The following ACTR3B variants were observed in gnomAD, a reference collection of about 807,000 sequenced individuals.
The protein encoded by ACTR3B is actin related protein 3B.
In ACTR3B, 8 loss-of-function variants were observed where a neutral mutation model predicts 59.0. That is an observed-to-expected ratio of 0.14 (90% CI 0.08 to 0.24). The LOEUF is 0.24. ACTR3B is among the 10% of genes least tolerant of loss of function. The pLI is 1.00. For synonymous variants in ACTR3B, 148 were observed against 197.9 expected (o/e 0.75, Z 2.12); for missense variants, 245 against 552.3 (o/e 0.44, Z 5.58).
chr7:152,801,950 T>C (rs2098238064), intron 4 of ACTR3B, among the ~76,000 whole-genome samples: 1 of 151,688 alleles, frequency 6.6e-6, no homozygotes, highest in Non-Finnish European at 1.5e-5. Context: ...GCTCTAGGGC[T>C]GTTGTTTTAG....
intron 7 of ACTR3B, among the ~76,000 whole-genome samples, chr7:152,821,147 G>T (rs1796116963): frequency 6.6e-6 from 1 of 152,126 alleles, no homozygotes; most frequent in Admixed American, 6.5e-5. Flanking sequence ...CTGAAATGGT[G>T]ATGTGGGGAA....
chr7:152,820,600 G>A (rs537516372), intron 7 of ACTR3B, among the ~76,000 whole-genome samples, 158 bp downstream of exon 7: 30 of 152,326 alleles, frequency 2.0e-4, no homozygotes, highest in African/African-American at 7.0e-4. Context: ...GGCTGAAGAT[G>A]TAAAGCTTAA....
chr7:152,835,917 C>G, intron 9 of ACTR3B, among the ~76,000 whole-genome samples: 1 of 151,136 alleles, frequency 6.6e-6, no homozygotes, highest in East Asian at 1.9e-4. Context: ...CTGGCCCATG[C>G]GAGGTGCTCA....
intron 2 of ACTR3B, among the ~76,000 whole-genome samples, chr7:152,789,052 A>AC (rs1563094388): frequency 1.5e-5 from 1 of 67,700 alleles, no homozygotes; most frequent in African/African-American, 5.0e-5. Flanking sequence ...AACAACAACA[A>AC]ACAGCAACAA....
intron 9 of ACTR3B, among the ~76,000 whole-genome samples, chr7:152,844,563 T>C (rs1338308737): frequency 3.3e-5 from 5 of 152,040 alleles, no homozygotes; most frequent in African/African-American, 1.2e-4. Flanking sequence ...CTAGATGTAA[T>C]GGTCATTTAC....
At chr7:152,826,136 C>T (rs1057647) in intron 9 of ACTR3B, among the ~76,000 whole-genome samples, 4 of 152,040 alleles carry the variant, frequency 2.6e-5, no homozygotes, top group Non-Finnish European at 4.4e-5. Context: ...CTCAGCATTG[C>T]GTCACCTGTG....
chr7:152,792,704 C>T (rs1178018410), intron 2 of ACTR3B, among the ~76,000 whole-genome samples: 9 of 151,970 alleles, frequency 5.9e-5, no homozygotes, highest in Non-Finnish European at 8.8e-5. Flanking sequence ...GCTGAGATTG[C>T]GCCACTGCAC....
chr7:152,765,972 T>A (rs569220420), intron 1 of ACTR3B, among the ~76,000 whole-genome samples: 42 of 152,070 alleles, frequency 2.8e-4, no homozygotes, highest in African/African-American at 8.4e-4. Context: ...CTTTCATGAT[T>A]ATGATAATCT....
At chr7:152,787,299 G>A (rs2098177796) in intron 2 of ACTR3B, among the ~76,000 whole-genome samples, 2 of 152,152 alleles carry the variant, frequency 1.3e-5, no homozygotes, top group African/African-American at 4.8e-5. Context: ...TTCATTGCCT[G>A]TTCATATCTT....
chr7:152,772,962 A>G (rs2098127752), intron 1 of ACTR3B, among the ~76,000 whole-genome samples: 1 of 130,750 alleles, frequency 7.6e-6, no homozygotes, highest in Non-Finnish European at 1.7e-5. Flanking sequence ...TATCTTTCAG[A>G]ATATGTAGTT....
intron 6 of ACTR3B, among the ~76,000 whole-genome samples, chr7:152,819,601 C>T (rs1473505493): frequency 3.3e-5 from 5 of 152,198 alleles, no homozygotes; most frequent in African/African-American, 4.8e-5. Context: ...TGCCATTGAT[C>T]GGCCCAGGGC....
intron 9 of ACTR3B, among the ~76,000 whole-genome samples, chr7:152,839,056 T>A (rs1797683330): frequency 6.6e-6 from 1 of 151,224 alleles, no homozygotes; most frequent in Non-Finnish European, 1.5e-5. Context: ...TGAGGCTGTC[T>A]TGGGACATGT....
intron 2 of ACTR3B, among the ~76,000 whole-genome samples, chr7:152,791,171 C>G (rs565029722): frequency 1.3e-5 from 2 of 151,838 alleles, no homozygotes; most frequent in African/African-American, 2.4e-5. Context: ...CCACCATGCC[C>G]GGCTGATTTT....
chr7:152,853,399 G>A (rs559503293), intron 10 of ACTR3B, 95 bp from the exon 11 acceptor site: 9 of 1,074,222 alleles, frequency 8.4e-6, no homozygotes, highest in Admixed American at 3.9e-5. Flanking sequence ...AGAGGAGGGC[G>A]GCCCTGGGTG....
intron 1 of ACTR3B, among the ~76,000 whole-genome samples, chr7:152,781,201 T>C: frequency 6.7e-6 from 1 of 149,748 alleles, no homozygotes; most frequent in Admixed American, 6.7e-5. Flanking sequence ...TGGTTTTTTT[T>C]TTTTTTTTTT....
In ACTR3B at chr7:152,814,547, C is replaced by T; in HGVS notation, c.337-3C>T. 2 of 1,597,802 alleles carry T rather than the reference C, an allele frequency of 1.3e-6. No homozygotes were observed. Among genetic ancestry groups the T allele is most frequent in the Non-Finnish European group, 1.7e-6 (2 of 1,167,580 alleles). On this transcript the variant is annotated splice_polypyrimidine_tract_variant and splice_region_variant and intron_variant, in intron 4 of 11. Coordinates refer to ENST00000256001, the MANE Select transcript of ACTR3B (RefSeq NM_020445.6). ...ACTAAATATAGTGAATGTTTTCTTA[C>T]AGACAGAACCTCCACTCAATACACC...
intron 2 of ACTR3B, among the ~76,000 whole-genome samples, chr7:152,790,256 G>A (rs2098191110): frequency 6.6e-6 from 1 of 152,256 alleles, no homozygotes; most frequent in South Asian, 2.1e-4. Context: ...GTCTCTCAAA[G>A]TGTTGAAATT....
chr7:152,770,157 A>G (rs1239874503), intron 1 of ACTR3B, among the ~76,000 whole-genome samples: 33 of 146,620 alleles, frequency 2.3e-4, no homozygotes, highest in East Asian at 1.2e-3. Flanking sequence ...ATGTAACACT[A>G]CTTCCTGGAA....
Position 152,852,135 on chromosome 7 carries a change from C to G in ACTR3B, c.961C>G (p.Leu321Val), listed in dbSNP as rs1447249163. The G allele has an allele frequency of 6.2e-7, 1 of 1,614,004 alleles. No homozygotes were observed. The highest frequency in any genetic ancestry group is 2.2e-5 in the East Asian group (1 of 44,876). ...VRRPLYKNVVLSGGSTMFRDF... is the reference protein window; with the variant it reads ...VRRPLYKNVVVSGGSTMFRDF... ...GCTTTGTGTCTTGTAGAATGTCGTA[C>G]TCTCAGGAGGCTCCACCATGTTCAG... The change falls in exon 10 of 12, where the codon CTC becomes GTC. Residue 321 changes from leucine (L) to valine (V), a missense_variant. By Grantham distance (32) the Leu-to-Val change is conservative. Around this residue, in one of 7 missense-constraint regions of ACTR3B, gnomAD observed 153 missense variants for 266.2 expected, o/e 0.57. Coordinates refer to ENST00000256001, the MANE Select transcript of ACTR3B (RefSeq NM_020445.6).
Sources: allele counts gnomAD v4.1 joint callset (sites outside exome capture counted in the v4.1 genomes callset), GRCh38; gene constraint gnomAD v4.1.1; regional missense constraint gnomAD v4.1.1; transcripts MANE v1.5; gene names NCBI Gene and HGNC (gene_info 2026-07-23, HGNC 2026-07-21).